Variants in PDE4D observed in about 807,000 individuals in gnomAD.
PDE4D encodes the protein 3',5'-cyclic-AMP phosphodiesterase 4D.
Under a neutral mutation model 87.4 loss-of-function variants are expected in PDE4D, and 24 were observed. That is an observed-to-expected ratio of 0.27 (90% CI 0.20 to 0.39). The LOEUF (loss-of-function observed/expected upper bound fraction) is 0.39, where lower values mean the gene tolerates loss of function less well. Ranked by LOEUF, PDE4D falls within the 10% of genes least tolerant of loss-of-function variation. The pLI is 1.00. For missense variants in PDE4D, 714 were observed against 1,041.0 expected (o/e 0.69, Z 4.32); for synonymous variants, 384 against 383.2 (o/e 1.00, Z -0.02).
At chr5:59,405,142 T>C (rs1050906006) in intron 1 of PDE4D, among the ~76,000 whole-genome samples, 2 of 152,190 alleles carry the variant, frequency 1.3e-5, no homozygotes, top group African/African-American at 2.4e-5. Context: ...TTGATAGAGA[T>C]TGCATTGAAT....
In PDE4D at chr5:58,973,092, T is replaced by C. The variant is rs961856114; in HGVS notation, c.*1572A>G. On this transcript the variant is annotated 3_prime_UTR_variant, in exon 15 of 15. Coordinates refer to ENST00000340635, the MANE Select transcript of PDE4D (RefSeq NM_001104631.2). Reference sequence around the variant, plus strand: ...TAAAACCGTTTCTCAGGGATGTTCCTGATATAGTTCTTAATCCCATGGTGA... The same window carrying C: ...TAAAACCGTTTCTCAGGGATGTTCCCGATATAGTTCTTAATCCCATGGTGA... 12 of 152,216 alleles carry C rather than the reference T, an allele frequency of 7.9e-5. No individual in the cohort carries two copies. The highest frequency in any genetic ancestry group is 1.6e-4 in the Non-Finnish European group (11 of 68,026). 9.4% of individuals were successfully genotyped at this position (152,216 alleles called of 1,614,324 possible).
chr5:59,874,891 T>G (rs1037508161), intron 1 of PDE4D, among the ~76,000 whole-genome samples: 1 of 151,810 alleles, frequency 6.6e-6, no homozygotes, highest in East Asian at 1.9e-4. Context: ...CAGTAAGCAA[T>G]GAGTCATTAA....
intron 1 of PDE4D, among the ~76,000 whole-genome samples, chr5:59,229,911 G>T (rs1051261091): frequency 6.6e-6 from 1 of 152,136 alleles, no homozygotes; most frequent in Non-Finnish European, 1.5e-5. Flanking sequence ...TGATTCTCCT[G>T]CCTCAGGCCC....
chr5:59,704,250 T>C (rs1417788871), intron 1 of PDE4D, among the ~76,000 whole-genome samples: 1 of 152,168 alleles, frequency 6.6e-6, no homozygotes, highest in African/African-American at 2.4e-5. Context: ...AATATCCTAC[T>C]TTATTAAACT....
At chr5:59,795,204 A>G (rs1227413959) in intron 1 of PDE4D, among the ~76,000 whole-genome samples, 1 of 152,244 alleles carries the variant, frequency 6.6e-6, no homozygotes, top group African/African-American at 2.4e-5. Flanking sequence ...AGCATTCACC[A>G]TTTAATAGTT....
At chr5:59,856,653 A>C (rs887009654) in intron 1 of PDE4D, among the ~76,000 whole-genome samples, 13 of 152,308 alleles carry the variant, frequency 8.5e-5, no homozygotes, top group African/African-American at 3.1e-4. Flanking sequence ...TAATGTGTCA[A>C]AGAAAGAAAA....
chr5:59,436,686 G>C (rs921923153), intron 1 of PDE4D, among the ~76,000 whole-genome samples: 1 of 152,118 alleles, frequency 6.6e-6, no homozygotes, highest in Non-Finnish European at 1.5e-5. Flanking sequence ...GTTTTTATAA[G>C]CAGGTAAGTT....
intron 3 of PDE4D, among the ~76,000 whole-genome samples, chr5:59,940,474 A>C (rs889882785): frequency 1.3e-5 from 2 of 152,096 alleles, no homozygotes; most frequent in African/African-American, 2.4e-5. Flanking sequence ...CACAAACGAA[A>C]GGTATTTAAA....
intron 1 of PDE4D, among the ~76,000 whole-genome samples, chr5:59,390,856 A>T (rs1788098836): frequency 6.6e-6 from 1 of 152,004 alleles, no homozygotes; most frequent in African/African-American, 2.4e-5. Flanking sequence ...GAGGGTGGTA[A>T]AAGTCACTCC....
chr5:59,237,804 T>C (rs1056741513), intron 1 of PDE4D, among the ~76,000 whole-genome samples: 14 of 100,070 alleles, frequency 1.4e-4, no homozygotes, highest in Admixed American at 2.3e-4. Context: ...TGTGTGTGTG[T>C]GTGTGTGTGT....
chr5:59,347,752 A>G (rs1779845747), intron 1 of PDE4D, among the ~76,000 whole-genome samples: 1 of 151,638 alleles, frequency 6.6e-6, no homozygotes, highest in African/African-American at 2.4e-5. Context: ...GTATTTTTAT[A>G]ATAACAAAGA....
At chr5:60,298,543 C>T (rs1348319736) in intron 1 of PDE4D, among the ~76,000 whole-genome samples, 1 of 152,132 alleles carries the variant, frequency 6.6e-6, no homozygotes, top group Admixed American at 6.5e-5. Context: ...TTCAAAAATG[C>T]AATCATGCAC....
At chr5:59,952,009 C>G (rs1758340363) in intron 3 of PDE4D, among the ~76,000 whole-genome samples, 1 of 152,128 alleles carries the variant, frequency 6.6e-6, no homozygotes, top group African/African-American at 2.4e-5. Context: ...TTATAATCCC[C>G]ATAACCCCTT....
chr5:59,699,652 G>A (rs971328017), intron 1 of PDE4D, among the ~76,000 whole-genome samples: 1 of 152,112 alleles, frequency 6.6e-6, no homozygotes, highest in Non-Finnish European at 1.5e-5. Context: ...AAAAGAGGAA[G>A]ATAGAAATGA....
intron 2 of PDE4D, among the ~76,000 whole-genome samples, chr5:60,068,675 C>A (rs1772377468): frequency 1.3e-5 from 2 of 152,132 alleles, no homozygotes; most frequent in South Asian, 4.2e-4. Flanking sequence ...CTCACTGCAA[C>A]CTCTGGCACC....
intron 1 of PDE4D, among the ~76,000 whole-genome samples, chr5:60,423,496 C>T (rs952040898): frequency 3.9e-5 from 6 of 152,004 alleles, no homozygotes; most frequent in South Asian, 2.1e-4. Flanking sequence ...TTGAAACCAA[C>T]GAGAACAAAG....
At chr5:59,494,150 G>A (rs1806714529) in intron 1 of PDE4D, among the ~76,000 whole-genome samples, 1 of 152,164 alleles carries the variant, frequency 6.6e-6, no homozygotes, top group South Asian at 2.1e-4. Flanking sequence ...AATGCTTTGG[G>A]TGTTGCTACC....
intron 1 of PDE4D, among the ~76,000 whole-genome samples, chr5:59,499,981 G>C (rs1195256921): frequency 6.6e-6 from 1 of 151,770 alleles, no homozygotes; most frequent in Admixed American, 6.6e-5. Context: ...AACCCTACAT[G>C]CCAATATCTC....
At chr5:60,280,538 G>A (rs1751798353) in intron 1 of PDE4D, among the ~76,000 whole-genome samples, 2 of 152,062 alleles carry the variant, frequency 1.3e-5, no homozygotes, top group African/African-American at 4.8e-5. Flanking sequence ...AATAAAACAA[G>A]AGAGTAAGAA....
Sources: gnomAD v4.1 joint callset for allele counts (sites outside exome capture counted in the v4.1 genomes callset) on GRCh38, gnomAD v4.1.1 for gene constraint, MANE v1.5 for transcripts, NCBI Gene and HGNC (gene_info 2026-07-23, HGNC 2026-07-21) for gene names.